The following IGF1 variants were observed in gnomAD, a reference collection of about 807,000 sequenced individuals.
IGF1 encodes insulin like growth factor 1, also known as insulin-like growth factor 1.
A neutral mutation model predicts 13.8 loss-of-function variants in IGF1; 4 were observed. The observed-to-expected ratio is 0.29, with a 90% CI of 0.14 to 0.66. The LOEUF (loss-of-function observed/expected upper bound fraction) is 0.66. IGF1 is among the 30% of genes least tolerant of loss of function. IGF1 has a pLI of 0.78. For synonymous variants in IGF1, 76 were observed against 72.6 expected (o/e 1.05, Z -0.23); for missense variants, 124 against 188.5 (o/e 0.66, Z 2.00).
At chr12:102,440,090 C>G (rs1417021298) in intron 2 of IGF1, among the ~76,000 whole-genome samples, 1 of 152,190 alleles carries the variant, frequency 6.6e-6, no homozygotes, top group East Asian at 1.9e-4. Flanking sequence ...TTCCTTCCAT[C>G]TTTGATTCTT....
intron 3 of IGF1, among the ~76,000 whole-genome samples, chr12:102,414,340 T>A (rs1354255152): frequency 6.6e-6 from 1 of 152,048 alleles, no homozygotes; most frequent in African/African-American, 2.4e-5. Context: ...AAAGCCACAA[T>A]GCAAGTAAGA....
At chr12:102,456,483 G>C (rs1318684935) in intron 2 of IGF1, among the ~76,000 whole-genome samples, 5 of 151,948 alleles carry the variant, frequency 3.3e-5, no homozygotes, top group Non-Finnish European at 5.9e-5. Context: ...CAGAGTTTCA[G>C]CTAGCATTAA....
intron 2 of IGF1, among the ~76,000 whole-genome samples, chr12:102,451,191 G>C (rs1211929936): frequency 6.6e-6 from 1 of 152,172 alleles, no homozygotes; most frequent in Non-Finnish European, 1.5e-5. Flanking sequence ...TAGACCAATT[G>C]ACTCCTGGAT....
intron 2 of IGF1, among the ~76,000 whole-genome samples, chr12:102,439,780 A>G (rs1028996138): frequency 6.6e-6 from 1 of 152,150 alleles, no homozygotes; most frequent in African/African-American, 2.4e-5. Flanking sequence ...CAAAAAAGAA[A>G]AGGCTAAGAA....
intron 2 of IGF1, 134 bp from the exon 3 acceptor site, chr12:102,419,824 C>T (rs540437235): frequency 2.4e-6 from 2 of 821,494 alleles, no homozygotes; most frequent in East Asian, 5.3e-5. Context: ...CTTGAAACTT[C>T]CCCAATGATT....
chr12:102,450,307 A>G (rs567076369), intron 2 of IGF1, among the ~76,000 whole-genome samples: 2 of 152,368 alleles, frequency 1.3e-5, no homozygotes, highest in South Asian at 4.1e-4. Context: ...AAAGAGTAAG[A>G]GAGTAGCATA....
rs1177299623 is a variant in IGF1 at position 102,461,012 on chromosome 12, A to G, written c.220+14631T>C. On this transcript the variant is annotated intron_variant, in intron 2 of 3. Coordinates refer to ENST00000337514, the MANE Select transcript of IGF1 (RefSeq NM_000618.5). Reference sequence around the variant, plus strand: ...GAATGTCTTGGTTCATTTACGTATCATTGTTTCAATGGCAACAGGTTTTGA... The same window carrying G: ...GAATGTCTTGGTTCATTTACGTATCGTTGTTTCAATGGCAACAGGTTTTGA... Among the ~76,000 whole-genome samples the G allele has an allele frequency of 2.6e-5, 4 of 152,290 alleles. No homozygotes were observed. The East Asian group carries it at 5.8e-4, about 22-fold the overall frequency.
At chr12:102,437,075 C>G (rs532852182) in intron 2 of IGF1, among the ~76,000 whole-genome samples, 1 of 152,214 alleles carries the variant, frequency 6.6e-6, no homozygotes, top group Non-Finnish European at 1.5e-5. Context: ...CTTCCTGCTG[C>G]CTTGCTAGGT....
At chr12:102,434,098 T>C (rs992394148) in intron 2 of IGF1, among the ~76,000 whole-genome samples, 2 of 152,126 alleles carry the variant, frequency 1.3e-5, no homozygotes, top group African/African-American at 4.8e-5. Context: ...TTGATTTCAC[T>C]TGTTTCATCA....
intron 2 of IGF1, among the ~76,000 whole-genome samples, chr12:102,461,438 C>A (rs1172550093): frequency 3.3e-5 from 5 of 152,104 alleles, no homozygotes; most frequent in African/African-American, 1.2e-4. Flanking sequence ...CCAGTGGGAA[C>A]CCTCATAGAA....
chr12:102,402,774 C>A (rs1873795677), intron 3 of IGF1, among the ~76,000 whole-genome samples: 1 of 152,138 alleles, frequency 6.6e-6, no homozygotes, highest in Non-Finnish European at 1.5e-5. Flanking sequence ...CTTCTATGTA[C>A]CCCTGGTGGC....
In IGF1 at chr12:102,456,429, A is replaced by G. The variant is rs543310986; in HGVS notation, c.220+19214T>C. On this transcript the variant is annotated intron_variant, in intron 2 of 3. Transcript: ENST00000337514. ...GTATCAAATCTAACTGTTAGCATGT[A>G]ATAATATTTTGTCAGAAGTTTTTCC... Among the ~76,000 whole-genome samples, 9 of 152,314 alleles carry G rather than the reference A, an allele frequency of 5.9e-5. No homozygotes were observed. In the South Asian group the frequency reaches 1.9e-3, roughly 32 times the overall value.
At chr12:102,478,938 C>T (rs549055310) in intron 1 of IGF1, among the ~76,000 whole-genome samples, 1 of 152,310 alleles carries the variant, frequency 6.6e-6, no homozygotes, top group East Asian at 1.9e-4. Context: ...CACGCAGCTC[C>T]CTCAAACCAC....
rs149854443 is a variant in IGF1, at chr12:102,446,522, T to C, written c.221-26832A>G. 5.5e-4 allele frequency among the ~76,000 whole-genome samples: 84 copies of C among 152,338 alleles called. 1 individual carries two copies. In the East Asian group the frequency reaches 0.014, roughly 25 times the overall value. On this transcript the variant is annotated intron_variant, in intron 2 of 3. Transcript: ENST00000337514. ...TTGTTTCTTTGCATAGAGGTGTTTA[T>C]AGTATTCTCTGATGGTAGTTTGTAT...
intron 2 of IGF1, among the ~76,000 whole-genome samples, chr12:102,432,373 C>T (rs746277105): frequency 1.4e-4 from 21 of 152,160 alleles, no homozygotes; most frequent in Non-Finnish European, 2.2e-4. Context: ...GTACACATAA[C>T]ATTCTACTAC....
At chr12:102,455,944 A>C (rs1314096501) in intron 2 of IGF1, among the ~76,000 whole-genome samples, 10 of 152,202 alleles carry the variant, frequency 6.6e-5, no homozygotes, top group African/African-American at 2.2e-4. Flanking sequence ...ATGAAAAAAT[A>C]TGGCTCCATA....
intron 1 of IGF1, chr12:102,478,543 A>T: frequency 6.2e-7 from 1 of 1,609,312 alleles, no homozygotes; most frequent in Non-Finnish European, 8.5e-7. Flanking sequence ...CAGGGTGGGT[A>T]TTATGAGGCC....
intron 3 of IGF1, among the ~76,000 whole-genome samples, chr12:102,416,802 A>G (rs1875181008): frequency 3.3e-5 from 5 of 152,336 alleles, no homozygotes; most frequent in Admixed American, 2.6e-4. Context: ...ATTGTGTCCA[A>G]ATTCATGTGT....
chr12:102,441,077 A>G (rs1306485290), intron 2 of IGF1, among the ~76,000 whole-genome samples: 2 of 152,190 alleles, frequency 1.3e-5, no homozygotes, highest in Non-Finnish European at 2.9e-5. Flanking sequence ...CTCTTCTTCT[A>G]TGCAGTCCCT....
Sources: gnomAD v4.1 joint callset for allele counts (sites outside exome capture counted in the v4.1 genomes callset) on GRCh38, gnomAD v4.1.1 for gene constraint, MANE v1.5 for transcripts, NCBI Gene and HGNC (gene_info 2026-07-23, HGNC 2026-07-21) for gene names.